SEC16B: variants seen among roughly 807,000 people sequenced by gnomAD.
The protein encoded by SEC16B is protein transport protein Sec16B.
SEC16B carries 115 observed loss-of-function variants against 141.8 expected under a neutral mutation model. The observed-to-expected ratio is 0.81, with a 90% CI of 0.70 to 0.95. The LOEUF (loss-of-function observed/expected upper bound fraction) is 0.95. Among genes scored for constraint, SEC16B ranks in the 40% least tolerant of loss-of-function variants. The pLI is 0.00. For missense variants in SEC16B, 1,291 were observed against 1,312.3 expected (o/e 0.98, Z 0.25); for synonymous variants, 493 against 492.5 (o/e 1.00, Z -0.01).
upstream of SEC16B, among the ~76,000 whole-genome samples, chr1:177,970,996 T>C (rs1186881736): frequency 6.6e-6 from 1 of 152,014 alleles, no homozygotes; most frequent in East Asian, 1.9e-4. Context: ...GTCATGTACC[T>C]AAGCTACAAG....
chr1:177,942,118 G>A (rs1364911919), intron 15 of SEC16B, 78 bp from the exon 16 acceptor site: 1 of 1,442,532 alleles, frequency 6.9e-7, no homozygotes, highest in African/African-American at 1.4e-5. Context: ...AAGACTTCTT[G>A]GAAGTCAGCT....
At chr1:177,941,425 T>G (rs1651262852) in intron 16 of SEC16B, among the ~76,000 whole-genome samples, 1 of 152,222 alleles carries the variant, frequency 6.6e-6, no homozygotes, top group South Asian at 2.1e-4. Context: ...TTTGCTTGAT[T>G]GTTGTTTTCT....
At chr1:177,944,272 A>G (rs1179186347) in intron 15 of SEC16B, among the ~76,000 whole-genome samples, 1 of 152,216 alleles carries the variant, frequency 6.6e-6, no homozygotes, top group Non-Finnish European at 1.5e-5. Context: ...AGGAGCTGAC[A>G]GCAGGAGTGA....
chr1:177,931,822 T>C (rs1486907971), intron 24 of SEC16B, among the ~76,000 whole-genome samples: 1 of 152,180 alleles, frequency 6.6e-6, no homozygotes, highest in Non-Finnish European at 1.5e-5. Context: ...AATGTTTTCC[T>C]AGCAATAGAT....
rs1651133231 is a variant in SEC16B, at chr1:177,939,706, T to C, written c.2199A>G (p.Thr733=). ...RSDISGAGGT[T]TENTFYQDFS... ...TCAGTTCATCATTTTGGGTACCTGT[T>C]GTTGTTCCTCCGGCTCCCGAAATAT... The change falls in exon 18 of 26, where the codon ACA becomes ACG. Residue 733 remains threonine, a synonymous_variant. Coordinates refer to ENST00000308284, the MANE Select transcript of SEC16B (RefSeq NM_033127.4). 1 of 1,591,462 alleles carries C rather than the reference T, an allele frequency of 6.3e-7. No homozygotes were observed.
intron 24 of SEC16B, among the ~76,000 whole-genome samples, chr1:177,931,659 A>G (rs1650422343): frequency 6.6e-6 from 1 of 152,240 alleles, no homozygotes; most frequent in Non-Finnish European, 1.5e-5. Flanking sequence ...ACATGGTTCA[A>G]GTGGAAACAA....
intron 24 of SEC16B, among the ~76,000 whole-genome samples, chr1:177,931,815 G>A (rs1650433814): frequency 1.3e-5 from 2 of 152,156 alleles, no homozygotes; most frequent in African/African-American, 4.8e-5. Flanking sequence ...AAATAAAAAT[G>A]TTTTCCTAGC....
chr1:177,967,310 C>A (rs1364524639), intron 2 of SEC16B, among the ~76,000 whole-genome samples: 1 of 152,130 alleles, frequency 6.6e-6, no homozygotes, highest in Non-Finnish European at 1.5e-5. Context: ...TTATAGGGAT[C>A]TCCAAGAAAA....
chr1:177,944,414 C>T (rs1244752481), intron 15 of SEC16B, 147 bp downstream of exon 15: 2 of 648,972 alleles, frequency 3.1e-6, no homozygotes, highest in Non-Finnish European at 5.5e-6. Flanking sequence ...AAAAAGAAAT[C>T]CTACACCCTC....
intron 10 of SEC16B, among the ~76,000 whole-genome samples, 159 bp from the exon 11 acceptor site, chr1:177,954,535 G>C (rs1229785134): frequency 6.6e-6 from 1 of 152,194 alleles, no homozygotes; most frequent in Non-Finnish European, 1.5e-5. Context: ...GCAGACTGTA[G>C]CTAGCACAGT....
At chr1:177,966,783 C>G (rs1571350632) in intron 2 of SEC16B, among the ~76,000 whole-genome samples, 1 of 152,056 alleles carries the variant, frequency 6.6e-6, no homozygotes, top group Admixed American at 6.5e-5. Context: ...CCATGTTGAC[C>G]AGGCTGGTCT....
chr1:177,941,844 G>T, intron 16 of SEC16B, 56 bp downstream of exon 16: 1 of 1,575,496 alleles, frequency 6.3e-7, no homozygotes, highest in East Asian at 2.3e-5. Flanking sequence ...CTCTACGATG[G>T]CTTTCTCTGA....
intron 1 of SEC16B, among the ~76,000 whole-genome samples, chr1:177,968,620 A>G (rs7523508): frequency 0.43 from 64,770 of 151,910 alleles, 17,197 homozygotes; most frequent in African/African-American, 0.75. Context: ...ATGCTCAATA[A>G]ATAGCAGTGT....
rs571655029 is a variant in SEC16B, at chr1:177,981,109, A to G, written c.-59+3097T>C. ...AAACCCCTGATGTTTAGCTTTTATC[A>G]TAGCAGTTATATGATAAAAGCCAGG... On this transcript the variant is annotated intron_variant and NMD_transcript_variant, in intron 1 of 24. Coordinates refer to the SEC16B transcript ENST00000528461. 6.0e-4 allele frequency among the ~76,000 whole-genome samples: 92 copies of G among 152,196 alleles called. 1 individual carries two copies. The highest frequency in any genetic ancestry group is 5.7e-4 in the Non-Finnish European group (39 of 68,004).
rs1388241124 is a variant in SEC16B, at chr1:177,937,086, A to C, written c.2503+128T>G. 5 of 1,017,370 alleles carry C rather than the reference A, an allele frequency of 4.9e-6. No homozygotes were observed. The African/African-American group carries it at 8.1e-5, about 16-fold the overall frequency. 63.0% of individuals were successfully genotyped at this position (1,017,370 alleles called of 1,614,324 possible). Reference sequence around the variant, plus strand: ...AGCAGGCCCTCCGTAACGGGCACACATCCACGCATCTGTGTCTTTCCCAGC... The same window carrying C: ...AGCAGGCCCTCCGTAACGGGCACACCTCCACGCATCTGTGTCTTTCCCAGC... On this transcript the variant is annotated intron_variant, in intron 19 of 25. Coordinates refer to ENST00000308284, the MANE Select transcript of SEC16B (RefSeq NM_033127.4).
At chr1:177,953,945 A>G (rs1652399678) in intron 11 of SEC16B, among the ~76,000 whole-genome samples, 1 of 152,146 alleles carries the variant, frequency 6.6e-6, no homozygotes, top group Admixed American at 6.5e-5. Context: ...CCAAGGCTCT[A>G]AGGAAGTGAT....
chr1:177,958,125 T>C lies in SEC16B; in HGVS notation c.1365+7A>G. 2 of 1,487,132 alleles carry C rather than the reference T, an allele frequency of 1.3e-6. No homozygotes were observed. The highest frequency in any genetic ancestry group is 9.0e-7 in the Non-Finnish European group (1 of 1,113,176). 92.1% of individuals were successfully genotyped at this position (1,487,132 alleles called of 1,614,324 possible). A position where few individuals can be genotyped will look rare whatever the true frequency, so the allele number is the denominator to read the frequency against. On this transcript the variant is annotated splice_region_variant and intron_variant, in intron 10 of 25. Coordinates refer to ENST00000308284, the MANE Select transcript of SEC16B (RefSeq NM_033127.4). ...TCAAAATAAGTATGGGGGAAGGGCA[T>C]ACTTGCCTTCTTCCTTCCATAGTAG...
rs199661078 is a variant in SEC16B at position 177,958,902 on chromosome 1, G to A, written c.1072C>T (p.Leu358=). 1,014 of 1,613,792 alleles carry A rather than the reference G, an allele frequency of 6.3e-4. 12 individuals are homozygous for A. Among genetic ancestry groups the A allele is most frequent in the South Asian group, 5.9e-3 (539 of 91,064 alleles). The change falls in exon 9 of 26, where the codon CTG becomes TTG. Residue 358 remains leucine, a synonymous_variant. Coordinates refer to ENST00000308284, the MANE Select transcript of SEC16B (RefSeq NM_033127.4). Reference sequence around the variant, plus strand: ...AGTAGAGCTGAGTCTCTGCTCCCCAGTGTCTCAGATTTGCAGCTCTGAGCT... The same window carrying A: ...AGTAGAGCTGAGTCTCTGCTCCCCAATGTCTCAGATTTGCAGCTCTGAGCT... ...KAAQSCKSET[L]GSRDSALLWQ...
At chr1:177,942,996 G>A (rs371741973) in intron 15 of SEC16B, among the ~76,000 whole-genome samples, 4 of 152,178 alleles carry the variant, frequency 2.6e-5, no homozygotes, top group East Asian at 1.9e-4. Context: ...GATGAGGGCC[G>A]ATAGCATGTT....
Sources: gnomAD v4.1 joint callset for allele counts (sites outside exome capture counted in the v4.1 genomes callset) on GRCh38, gnomAD v4.1.1 for gene constraint, MANE v1.5 for transcripts, NCBI Gene and HGNC (gene_info 2026-07-23, HGNC 2026-07-21) for gene names.